Variants in RPTOR observed in about 807,000 individuals in gnomAD.
RPTOR encodes the protein regulatory associated protein of MTOR complex 1, also known as regulatory-associated protein of mTOR.
In RPTOR, 21 loss-of-function variants were observed where a neutral mutation model predicts 169.9. The observed-to-expected ratio is 0.12, with a 90% CI of 0.09 to 0.18. The LOEUF (loss-of-function observed/expected upper bound fraction) is 0.18. Ranked by LOEUF, RPTOR falls within the 10% of genes least tolerant of loss-of-function variation. The pLI, the probability that RPTOR is intolerant of heterozygous loss-of-function variation, is 1.00. For synonymous variants in RPTOR, 732 were observed against 753.2 expected (o/e 0.97, Z 0.46); for missense variants, 1,133 against 1,855.9 (o/e 0.61, Z 7.16).
rs2143978182 is a variant in RPTOR, at chr17:80,922,828, G to A, written c.2624+1G>A. ...AGGGCGTGCACATCCACCAGGCGGGGTAAGTGCCGCCCGCTCAGCCTGCAG... is the reference window on the plus strand; with the variant it reads ...AGGGCGTGCACATCCACCAGGCGGGATAAGTGCCGCCCGCTCAGCCTGCAG... On this transcript the variant is annotated splice_donor_variant, in intron 22 of 33. Coordinates refer to ENST00000306801, the MANE Select transcript of RPTOR (RefSeq NM_020761.3). LOFTEE classifies it high-confidence loss of function. The A allele has an allele frequency of 1.3e-6, 2 of 1,559,178 alleles. No homozygotes were observed. The highest frequency in any genetic ancestry group is 1.2e-5 in the South Asian group (1 of 85,364).
intron 7 of RPTOR, among the ~76,000 whole-genome samples, chr17:80,810,475 A>G (rs1027689437): frequency 1.3e-5 from 2 of 152,104 alleles, no homozygotes; most frequent in African/African-American, 4.8e-5. Flanking sequence ...GTTCTATTCT[A>G]TTCTCTTGAT....
chr17:80,887,384 G>C (rs573242446), intron 17 of RPTOR, among the ~76,000 whole-genome samples: 2 of 137,862 alleles, frequency 1.5e-5, no homozygotes, highest in South Asian at 2.7e-4. Flanking sequence ...CTGACTCTTG[G>C]GGGGGGTGCT....
chr17:80,930,355 C>CTGCTCATCCTCAGCTCATCCT (rs2068872557), intron 24 of RPTOR, among the ~76,000 whole-genome samples: 1 of 48,902 alleles, frequency 2.0e-5, no homozygotes, highest in Non-Finnish European at 3.9e-5. Flanking sequence ...CAGCTCATCC[C>CTGCTCATCCTCAGCTCATCCT]CAGCTCATCC....
chr17:80,854,306 A>C (rs999135170), intron 11 of RPTOR, among the ~76,000 whole-genome samples: 1 of 152,206 alleles, frequency 6.6e-6, no homozygotes, highest in African/African-American at 2.4e-5. Flanking sequence ...CCTTGTGGGC[A>C]GGTGTTGTGT....
intron 13 of RPTOR, among the ~76,000 whole-genome samples, chr17:80,867,051 C>T (rs2143786965): frequency 6.6e-6 from 1 of 152,246 alleles, no homozygotes; most frequent in East Asian, 1.9e-4. Context: ...GTTAGACACA[C>T]GTTACAAGAA....
chr17:80,869,346 C>T (rs1254188830), intron 13 of RPTOR, among the ~76,000 whole-genome samples: 7 of 151,944 alleles, frequency 4.6e-5, no homozygotes, highest in South Asian at 2.1e-4. Context: ...TTTCAGTGGA[C>T]GAGGTTTCCC....
intron 27 of RPTOR, among the ~76,000 whole-genome samples, chr17:80,949,206 T>C (rs2069141895): frequency 2.0e-5 from 3 of 152,060 alleles, no homozygotes; most frequent in African/African-American, 7.2e-5. Flanking sequence ...TGGGACAGGA[T>C]TGTGGTCTCC....
intron 6 of RPTOR, among the ~76,000 whole-genome samples, chr17:80,781,890 ACCT>A (rs2066945660): frequency 6.6e-6 from 1 of 151,836 alleles, no homozygotes; most frequent in Non-Finnish European, 1.5e-5. Flanking sequence ...CCCAGTTTAG[ACCT>A]CCTTCTAGCT....
At chr17:80,905,583 G>A (rs1330914383) in intron 20 of RPTOR, among the ~76,000 whole-genome samples, 15 of 150,240 alleles carry the variant, frequency 1.0e-4, no homozygotes, top group South Asian at 2.1e-4. Context: ...GCGACAGAGC[G>A]AGACTCTGTC....
Position 80,641,798 on chromosome 17 carries a change from G to A in RPTOR, c.266-1930G>A, listed in dbSNP as rs150377574. Among the ~76,000 whole-genome samples the A allele has an allele frequency of 3.5e-3, 527 of 152,282 alleles. 1 individual carries two copies. Among genetic ancestry groups the A allele is most frequent in the African/African-American group, 0.012 (510 of 41,554 alleles). ...AGGGTCCTGCCTCATGTGGATGGCC[G>A]CCAACTAATGGAGGAGGGGTGGTTG... On this transcript the variant is annotated intron_variant, in intron 2 of 33. Transcript: ENST00000306801.
intron 20 of RPTOR, among the ~76,000 whole-genome samples, chr17:80,896,444 A>G (rs544868380): frequency 1.4e-3 from 88 of 63,248 alleles, no homozygotes; most frequent in South Asian, 2.2e-3. Context: ...CCCCACGGCC[A>G]TGCCGACACC....
At chr17:80,778,972 A>G (rs2143446614) in intron 6 of RPTOR, among the ~76,000 whole-genome samples, 1 of 152,326 alleles carries the variant, frequency 6.6e-6, no homozygotes, top group East Asian at 1.9e-4. Context: ...CATGGACTGG[A>G]CATCGCCAGG....
intron 1 of RPTOR, among the ~76,000 whole-genome samples, chr17:80,599,332 A>G (rs2065169017): frequency 6.6e-6 from 1 of 152,000 alleles, no homozygotes; most frequent in Admixed American, 6.6e-5. Context: ...AGGCCCCCTG[A>G]GACCTGTGGC....
chr17:80,774,539 G>A (rs1176594511), intron 6 of RPTOR, among the ~76,000 whole-genome samples: 1 of 152,186 alleles, frequency 6.6e-6, no homozygotes, highest in Non-Finnish European at 1.5e-5. Context: ...CAGGAGCCCG[G>A]ATCTTCTGAT....
At position 80,925,262 on chromosome 17, in the gene RPTOR, T is replaced by C. The variant is rs116257386; in HGVS notation, c.2809-108T>C. On this transcript the variant is annotated intron_variant, in intron 23 of 33. Transcript: ENST00000306801. The stretch of plus-strand genomic sequence containing the variant: ...AGTGCCGTCCTTAGGGGCAGCCCGG[T>C]GCTCCCGGCAGCGCCTTTGTCCCCA... 5,906 of 868,508 alleles carry C rather than the reference T, an allele frequency of 6.8e-3. 224 individuals carry two copies. In the African/African-American group the frequency reaches 0.089, roughly 13 times the overall value. 53.8% of individuals were successfully genotyped at this position (868,508 alleles called of 1,614,324 possible). A position where few individuals can be genotyped will look rare whatever the true frequency, so the allele number is the denominator to read the frequency against.
At chr17:80,672,131 G>C (rs1205099073) in intron 3 of RPTOR, among the ~76,000 whole-genome samples, 1 of 152,220 alleles carries the variant, frequency 6.6e-6, no homozygotes, top group Non-Finnish European at 1.5e-5. Context: ...GAGAGGAACA[G>C]TGGCCCTGGA....
chr17:80,697,215 T>C (rs886580005), intron 3 of RPTOR, among the ~76,000 whole-genome samples: 16 of 152,286 alleles, frequency 1.1e-4, no homozygotes, highest in African/African-American at 3.8e-4. Context: ...CCCTCCAGTG[T>C]GTCTTAGTCT....
Position 80,545,683 on chromosome 17 carries a change from G to A in RPTOR, c.54G>A (p.Glu18=), listed in dbSNP as rs1008349508. The change falls in exon 1 of 34, where the codon GAG becomes GAA. Residue 18 remains glutamate (E), a synonymous_variant. Coordinates refer to ENST00000306801, the MANE Select transcript of RPTOR (RefSeq NM_020761.3). ...SPLLGLGEED[E]ADLTDWNLPL... The stretch of plus-strand genomic sequence containing the variant: ...TTCTGGGCCTGGGGGAGGAAGATGA[G>A]GCTGATCTTACAGACTGGAACCTAC... 2 of 1,613,736 alleles carry A rather than the reference G, an allele frequency of 1.2e-6. No individual in the cohort carries two copies. The highest frequency in any genetic ancestry group is 1.3e-5 in the African/African-American group (1 of 74,856).
rs547574067 is a variant in RPTOR, at chr17:80,845,925, G to C, written c.1213-548G>C. ...TGCTCCCTGGCGTCCAGACCTTTGA[G>C]CTCTGCTTTCCCTCCACTGCCGGGC... On this transcript the variant is annotated intron_variant, in intron 10 of 33. Transcript: ENST00000306801. The surrounding 1 kb of genome is among the most constrained non-coding windows in gnomAD (Gnocchi z 5.4). Among the ~76,000 whole-genome samples, 1 of 152,250 alleles carries C rather than the reference G, an allele frequency of 6.6e-6. No homozygotes were observed. The highest frequency in any genetic ancestry group is 2.1e-4 in the South Asian group (1 of 4,822).
Sources: gnomAD v4.1 joint callset for allele counts (sites outside exome capture counted in the v4.1 genomes callset) on GRCh38, gnomAD v4.1.1 for gene constraint, Gnocchi (gnomAD v3.1) non-coding constraint, MANE v1.5 for transcripts, NCBI Gene and HGNC (gene_info 2026-07-23, HGNC 2026-07-21) for gene names.